The following DIAPH2 variants were observed in gnomAD, a reference collection of about 807,000 sequenced individuals.
DIAPH2 encodes protein diaphanous homolog 2.
DIAPH2 carries 35 observed loss-of-function variants against 92.7 expected under a neutral mutation model. The observed-to-expected ratio is 0.38, with a 90% CI of 0.29 to 0.50. The LOEUF (loss-of-function observed/expected upper bound fraction) is 0.50. DIAPH2 is among the 20% of genes least tolerant of loss of function. The pLI, the probability that DIAPH2 is intolerant of heterozygous loss-of-function variation, is 0.94. For missense variants in DIAPH2, 701 were observed against 819.5 expected, an observed-to-expected ratio of 0.86 and a Z score of 1.77; for synonymous variants, 301 against 280.4, an observed-to-expected ratio of 1.07 and a Z score of -0.73.
chrX:97,091,354 C>G, intron 19 of DIAPH2, among the ~76,000 whole-genome samples: 1 of 111,126 alleles, frequency 9.0e-6, no homozygotes, highest in Non-Finnish European at 1.9e-5. Flanking sequence ...TCCAATCCTA[C>G]GTCGCTGCAG....
intron 22 of DIAPH2, among the ~76,000 whole-genome samples, chrX:97,183,112 G>C (rs1044769995): frequency 3.6e-5 from 4 of 111,712 alleles, no homozygotes; most frequent in African/African-American, 1.3e-4. Context: ...GGAAAGAAAG[G>C]GTTAATCAGC....
intron 1 of DIAPH2, among the ~76,000 whole-genome samples, chrX:96,727,052 A>G (rs1425287645): frequency 8.0e-5 from 9 of 112,191 alleles, no homozygotes; most frequent in African/African-American, 2.9e-4. Flanking sequence ...TTTGGCCACA[A>G]GCCCCAACCT....
chrX:97,543,389 C>G (rs1019700746), intron 26 of DIAPH2, among the ~76,000 whole-genome samples: 2 of 112,253 alleles, frequency 1.8e-5, no homozygotes, highest in Non-Finnish European at 3.8e-5. Context: ...TGGATTCCAC[C>G]TCTACATGGA....
intron 23 of DIAPH2, among the ~76,000 whole-genome samples, chrX:97,311,214 G>A (rs188013874): frequency 1.4e-4 from 16 of 110,990 alleles, no homozygotes; most frequent in African/African-American, 4.9e-4. Context: ...AGACCCATAG[G>A]AAGTAATTGC....
chrX:96,699,653 A>G (rs2063843787), intron 1 of DIAPH2, among the ~76,000 whole-genome samples: 1 of 112,141 alleles, frequency 8.9e-6, no homozygotes, highest in Non-Finnish European at 1.9e-5. Context: ...TTTAGTGTGA[A>G]AAATTTCTGT....
At chrX:96,813,540 T>G (rs2064704383) in intron 4 of DIAPH2, among the ~76,000 whole-genome samples, 1 of 111,636 alleles carries the variant, frequency 9.0e-6, no homozygotes, top group Non-Finnish European at 1.9e-5. Flanking sequence ...GTTATTATTG[T>G]TATGTGTGAA....
intron 4 of DIAPH2, among the ~76,000 whole-genome samples, chrX:96,873,656 A>G (rs2065159142): frequency 1.1e-5 from 1 of 89,102 alleles, no homozygotes; most frequent in East Asian, 5.3e-4. Context: ...ATACACACAC[A>G]CACACACACA....
chrX:97,309,078 T>C (rs780142809), intron 23 of DIAPH2, among the ~76,000 whole-genome samples: 1 of 110,102 alleles, frequency 9.1e-6, no homozygotes, highest in South Asian at 4.0e-4. Context: ...CATTTTCTTT[T>C]ATCAGTGGCT....
intron 4 of DIAPH2, among the ~76,000 whole-genome samples, chrX:96,790,477 CACAT>C (rs1444562044): frequency 9.0e-6 from 1 of 111,677 alleles, no homozygotes; most frequent in African/African-American, 3.3e-5. Context: ...TCTGTAATAA[CACAT>C]TTTCTGATTG....
chrX:97,486,288 C>T (rs2070687980), intron 26 of DIAPH2, among the ~76,000 whole-genome samples: 1 of 111,606 alleles, frequency 9.0e-6, no homozygotes, highest in African/African-American at 3.3e-5. Context: ...TTCCAGCACA[C>T]CTATAGTTTT....
intron 4 of DIAPH2, among the ~76,000 whole-genome samples, chrX:96,879,985 T>C (rs965270971): frequency 6.8e-4 from 76 of 111,606 alleles, no homozygotes; most frequent in African/African-American, 2.3e-3. Flanking sequence ...CGCCTCAGCC[T>C]CCCAAAGTGC....
chrX:97,407,403 A>C (rs992635124), intron 25 of DIAPH2, among the ~76,000 whole-genome samples: 1 of 111,941 alleles, frequency 8.9e-6, no homozygotes, highest in African/African-American at 3.2e-5. Context: ...TAGAGGAAAA[A>C]AAAAACTACA....
chrX:97,401,951 G>T (rs1247649031), intron 25 of DIAPH2, among the ~76,000 whole-genome samples: 1 of 112,477 alleles, frequency 8.9e-6, no homozygotes, highest in Non-Finnish European at 1.9e-5. Flanking sequence ...TCATGACATT[G>T]CTGTACATTT....
intron 19 of DIAPH2, among the ~76,000 whole-genome samples, chrX:97,092,765 T>G (rs926695465): frequency 2.7e-5 from 3 of 111,962 alleles, no homozygotes; most frequent in Non-Finnish European, 5.6e-5. Flanking sequence ...TGTACTATTT[T>G]ATAATAATGA....
chrX:96,899,138 T>C (rs1389609020), intron 5 of DIAPH2, among the ~76,000 whole-genome samples: 1 of 110,523 alleles, frequency 9.0e-6, no homozygotes, highest in Non-Finnish European at 1.9e-5. Flanking sequence ...AGGCTTGTAG[T>C]ATAGTTTGAA....
chrX:97,457,066 G>T (rs759469621), intron 26 of DIAPH2, among the ~76,000 whole-genome samples: 1 of 111,660 alleles, frequency 9.0e-6, no homozygotes, highest in Admixed American at 9.5e-5. Context: ...TGTCACTCAG[G>T]CTGGAGTGCA....
chrX:97,476,944 CAAAAAAAAAA>C (rs958991841), intron 26 of DIAPH2, among the ~76,000 whole-genome samples: 8 of 13,398 alleles, frequency 6.0e-4, no homozygotes, highest in African/African-American at 4.0e-3. Context: ...AACTCTGTCT[CAAAAAAAAAA>C]AAAAAAAAAA....
intron 26 of DIAPH2, among the ~76,000 whole-genome samples, chrX:97,437,979 A>C (rs1021278703): frequency 9.1e-6 from 1 of 109,913 alleles, no homozygotes; most frequent in African/African-American, 3.3e-5. Flanking sequence ...AAGAAAAAAA[A>C]ATTAGGGAAG....
At chrX:97,290,426 A>G (rs1326782160) in intron 23 of DIAPH2, among the ~76,000 whole-genome samples, 1 of 111,848 alleles carries the variant, frequency 8.9e-6, no homozygotes. Context: ...GGGACTTTGG[A>G]TCTCATTTCA....
Sources: gnomAD v4.1 joint callset for allele counts (sites outside exome capture counted in the v4.1 genomes callset) on GRCh38, gnomAD v4.1.1 for gene constraint, MANE v1.5 for transcripts, NCBI Gene and HGNC (gene_info 2026-07-23, HGNC 2026-07-21) for gene names.